Variants in PCDH9 observed in about 807,000 individuals in gnomAD.
PCDH9 encodes protocadherin 9.
A neutral mutation model predicts 70.6 loss-of-function variants in PCDH9; 24 were observed. The observed-to-expected ratio is 0.34, with a 90% CI of 0.25 to 0.48. The LOEUF is 0.48. Ranked by LOEUF, PCDH9 falls within the 20% of genes least tolerant of loss-of-function variation. The pLI, the probability that PCDH9 is intolerant of heterozygous loss-of-function variation, is 0.99. For synonymous variants in PCDH9, 562 were observed against 558.5 expected (o/e 1.01, Z -0.09); for missense variants, 1,281 against 1,503.6 (o/e 0.85, Z 2.45).
chr13:66,786,668 T>C (rs958503), intron 3 of PCDH9, among the ~76,000 whole-genome samples: 147,926 of 152,254 alleles, frequency 0.97, 72,004 homozygotes, highest in East Asian at 1. Flanking sequence ...CTTTCAACTG[T>C]ACTACCCTGC....
At chr13:66,461,157 C>G (rs765362521) in intron 4 of PCDH9, among the ~76,000 whole-genome samples, 1 of 151,762 alleles carries the variant, frequency 6.6e-6, no homozygotes, top group Non-Finnish European at 1.5e-5. Context: ...ATATCACTAG[C>G]ATATTAAACC....
chr13:66,956,366 C>T (rs2083265156), intron 2 of PCDH9, among the ~76,000 whole-genome samples: 1 of 152,006 alleles, frequency 6.6e-6, no homozygotes. Flanking sequence ...TGACTGAGCC[C>T]CCGACAATAA....
chr13:66,354,577 C>T, intron 4 of PCDH9, among the ~76,000 whole-genome samples: 1 of 151,976 alleles, frequency 6.6e-6, no homozygotes, highest in Non-Finnish European at 1.5e-5. Context: ...TAGAAAGCGG[C>T]ACTTTCTAAT....
chr13:66,626,808 T>A (rs2138920689), intron 4 of PCDH9, among the ~76,000 whole-genome samples: 1 of 152,336 alleles, frequency 6.6e-6, no homozygotes, highest in South Asian at 2.1e-4. Flanking sequence ...TTTTTGGCAT[T>A]GCATGTAAAG....
At chr13:66,774,872 A>C (rs2079865604) in intron 3 of PCDH9, among the ~76,000 whole-genome samples, 1 of 152,120 alleles carries the variant, frequency 6.6e-6, no homozygotes, top group Non-Finnish European at 1.5e-5. Flanking sequence ...ATATCTATTC[A>C]AGTTTTGGTA....
At chr13:66,580,170 T>A (rs147581454) in intron 4 of PCDH9, among the ~76,000 whole-genome samples, 6,154 of 152,164 alleles carry the variant, frequency 0.04, 190 homozygotes, top group Non-Finnish European at 0.061. Flanking sequence ...GTATACAAAC[T>A]TTGTATTTTC....
intron 3 of PCDH9, among the ~76,000 whole-genome samples, chr13:66,771,867 A>G (rs1426134708): frequency 6.6e-6 from 1 of 152,242 alleles, no homozygotes; most frequent in Non-Finnish European, 1.5e-5. Flanking sequence ...AGACCCTGAT[A>G]GACATGTTGT....
At chr13:66,425,825 T>A (rs114816456) in intron 4 of PCDH9, among the ~76,000 whole-genome samples, 1,694 of 151,824 alleles carry the variant, frequency 0.011, 29 homozygotes, top group African/African-American at 0.038. Context: ...GTCAGTGGTT[T>A]ACCAGATTGG....
In PCDH9 at chr13:67,096,471, A is replaced by G. The variant is rs181802638; in HGVS notation, c.3036+128934T>C. ...AAATACTGACTTTAACTTCCTCTAGATAATCTCCCCGTAGATTGATAAGGT... is the reference window on the plus strand; with the variant it reads ...AAATACTGACTTTAACTTCCTCTAGGTAATCTCCCCGTAGATTGATAAGGT... On this transcript the variant is annotated intron_variant, in intron 2 of 4. Transcript: ENST00000377865. Among the ~76,000 whole-genome samples the G allele has an allele frequency of 3.4e-3, 515 of 152,292 alleles. 2 individuals are homozygous for G. The highest frequency in any genetic ancestry group is 4.6e-3 in the Non-Finnish European group (313 of 68,020).
chr13:66,317,827 G>A (rs1383098659), intron 4 of PCDH9, among the ~76,000 whole-genome samples: 1 of 152,092 alleles, frequency 6.6e-6, no homozygotes, highest in Admixed American at 6.5e-5. Context: ...GATAAGGGAT[G>A]CAATTACTTT....
At chr13:67,001,945 G>A (rs1056347717) in intron 2 of PCDH9, 7 of 152,110 alleles carry the variant, frequency 4.6e-5, no homozygotes, top group Admixed American at 2.0e-4. Flanking sequence ...CCAAAAATGC[G>A]GGTTTCCACT....
intron 4 of PCDH9, among the ~76,000 whole-genome samples, chr13:66,478,293 C>T (rs937520394): frequency 6.6e-6 from 1 of 152,136 alleles, no homozygotes; most frequent in African/African-American, 2.4e-5. Flanking sequence ...TTGGACCCTC[C>T]TATTCTCTAA....
intron 2 of PCDH9, among the ~76,000 whole-genome samples, chr13:67,106,892 T>C (rs1320957566): frequency 6.6e-6 from 1 of 152,162 alleles, no homozygotes; most frequent in Non-Finnish European, 1.5e-5. Flanking sequence ...GCACTCAGGA[T>C]GGTGCTAACA....
chr13:66,736,586 C>T (rs1323251434), intron 3 of PCDH9, among the ~76,000 whole-genome samples: 6 of 151,596 alleles, frequency 4.0e-5, no homozygotes, highest in Admixed American at 6.6e-5. Flanking sequence ...CCCTAGCAAA[C>T]GAATATAGCC....
chr13:66,910,363 TG>T (rs982953791), intron 2 of PCDH9, among the ~76,000 whole-genome samples: 7 of 123,572 alleles, frequency 5.7e-5, no homozygotes, highest in South Asian at 4.8e-4. Flanking sequence ...TGTGATCAAG[TG>T]AAATTAATGA....
intron 4 of PCDH9, among the ~76,000 whole-genome samples, chr13:66,332,142 G>A (rs182521859): frequency 6.6e-6 from 1 of 152,198 alleles, no homozygotes; most frequent in African/African-American, 2.4e-5. Context: ...GGCTCTCCAC[G>A]CTCCTTGGCT....
intron 4 of PCDH9, among the ~76,000 whole-genome samples, chr13:66,375,685 T>C (rs879386026): frequency 2.0e-5 from 3 of 152,130 alleles, no homozygotes; most frequent in Admixed American, 2.0e-4. Flanking sequence ...AACAAATTGA[T>C]GATATTTTAT....
intron 3 of PCDH9, among the ~76,000 whole-genome samples, chr13:66,711,884 A>T (rs1593934818): frequency 6.6e-6 from 1 of 152,258 alleles, no homozygotes; most frequent in East Asian, 1.9e-4. Context: ...CACATTGCTG[A>T]GATTCAATTC....
intron 3 of PCDH9, among the ~76,000 whole-genome samples, chr13:66,638,604 T>G (rs1254824653): frequency 1.3e-5 from 2 of 152,118 alleles, no homozygotes; most frequent in South Asian, 4.1e-4. Flanking sequence ...ACAAAAATAT[T>G]AACAACCTCA....
Sources: allele counts gnomAD v4.1 joint callset (sites outside exome capture counted in the v4.1 genomes callset), GRCh38; gene constraint gnomAD v4.1.1; transcripts MANE v1.5; gene names NCBI Gene and HGNC (gene_info 2026-07-23, HGNC 2026-07-21).